TMEM182: variants seen among roughly 807,000 people sequenced by gnomAD.
TMEM182 encodes transmembrane protein 182.
A neutral mutation model predicts 26.8 loss-of-function variants in TMEM182; 20 were observed. The ratio of observed to expected loss-of-function variants is 0.75; its 90% CI spans 0.53 to 1.09. The LOEUF is 1.09. Ranked by LOEUF, TMEM182 falls within the 50% of genes least tolerant of loss-of-function variation. The pLI, the probability that TMEM182 is intolerant of heterozygous loss-of-function variation, is 0.00. For missense variants in TMEM182, 277 were observed against 275.5 expected (o/e 1.01, Z -0.04); for synonymous variants, 109 against 102.2 (o/e 1.07, Z -0.40).
At chr2:102,839,801 C>T (rs1683313988) in intron 3 of TMEM182, among the ~76,000 whole-genome samples, 1 of 152,152 alleles carries the variant, frequency 6.6e-6, no homozygotes, top group African/African-American at 2.4e-5. Flanking sequence ...TGCTATCACT[C>T]TCAGCGTGCG....
Position 102,762,615 on chromosome 2 carries a change from G to GT in TMEM182, c.161_162insT (p.Phe55ValfsTer8). 1 of 1,613,880 alleles carries GT rather than the reference G, an allele frequency of 6.2e-7. No individual in the cohort carries two copies. Among genetic ancestry groups the GT allele is most frequent in the Non-Finnish European group, 8.5e-7 (1 of 1,179,902 alleles). ...GAGAACGTCACTTTTCACCATGAAG[G>GT]GTTCTTCTGGAGGTGTTGGTTTAAT... is the stretch of plus-strand genomic sequence containing the variant. On this transcript the variant is annotated frameshift_variant, in exon 2 of 5. Coordinates refer to ENST00000412401, the MANE Select transcript of TMEM182 (RefSeq NM_144632.5). LOFTEE classifies it high-confidence loss of function.
At chr2:102,836,849 C>T (rs995866870) in intron 3 of TMEM182, among the ~76,000 whole-genome samples, 3 of 152,334 alleles carry the variant, frequency 2.0e-5, no homozygotes, top group South Asian at 4.1e-4. Context: ...TAATAGAAAG[C>T]GTTCAGTCCT....
At chr2:102,801,375 CA>C (rs1249059932) in intron 4 of TMEM182, among the ~76,000 whole-genome samples, 1 of 152,044 alleles carries the variant, frequency 6.6e-6, no homozygotes, top group Non-Finnish European at 1.5e-5. Flanking sequence ...ATACACACTT[CA>C]AAAAGGGGGT....
intron 3 of TMEM182, among the ~76,000 whole-genome samples, chr2:102,768,036 G>C (rs1680523064): frequency 6.6e-6 from 1 of 151,904 alleles, no homozygotes; most frequent in Non-Finnish European, 1.5e-5. Context: ...TCAAACTTCA[G>C]TTTCCCAAGG....
intron 3 of TMEM182, chr2:102,834,395 T>G: frequency 1.0e-6 from 1 of 985,336 alleles, no homozygotes. Context: ...CTTGGGATCC[T>G]CTGCTGTAAA....
chr2:102,757,104 C>A (rs1680064305), upstream of TMEM182, among the ~76,000 whole-genome samples: 1 of 152,138 alleles, frequency 6.6e-6, no homozygotes, highest in African/African-American at 2.4e-5. Flanking sequence ...GCCACCGGGC[C>A]TGGCCAAAAT....
intron 3 of TMEM182, among the ~76,000 whole-genome samples, chr2:102,797,587 A>T (rs1307907053): frequency 2.0e-5 from 3 of 152,156 alleles, no homozygotes; most frequent in Non-Finnish European, 2.9e-5. Context: ...GAAAATCGTG[A>T]TGGAAAAAAG....
downstream of TMEM182, among the ~76,000 whole-genome samples, chr2:102,820,078 T>C (rs1048501776): frequency 6.6e-6 from 1 of 152,212 alleles, no homozygotes; most frequent in Admixed American, 6.5e-5. Context: ...CATGTCTTAG[T>C]TGGTTTATTC....
chr2:102,773,226 G>T (rs937611699), intron 3 of TMEM182, among the ~76,000 whole-genome samples: 6 of 152,008 alleles, frequency 3.9e-5, no homozygotes, highest in African/African-American at 1.4e-4. Context: ...AAAAGTTCCT[G>T]CCCTCAGGGG....
chr2:102,737,727 A>G (rs1679399059), intron 1 of TMEM182, among the ~76,000 whole-genome samples: 1 of 152,226 alleles, frequency 6.6e-6, no homozygotes, highest in Non-Finnish European at 1.5e-5. Context: ...TGAGTGCATG[A>G]CACCAAAAGA....
At chr2:102,785,366 T>C (rs192643171) in intron 3 of TMEM182, among the ~76,000 whole-genome samples, 12 of 152,356 alleles carry the variant, frequency 7.9e-5, no homozygotes, top group Admixed American at 2.6e-4. Context: ...CCTTTCTCTA[T>C]TCTGGCATAA....
At chr2:102,813,915 TCCTC>T (rs1682647312) in intron 4 of TMEM182, among the ~76,000 whole-genome samples, 1 of 151,666 alleles carries the variant, frequency 6.6e-6, no homozygotes, top group Non-Finnish European at 1.5e-5. Flanking sequence ...CTTCCTTCCT[TCCTC>T]CCTTCCTCCC....
At position 102,774,750 on chromosome 2, in the gene TMEM182, A is replaced by G. The variant is rs192018036; in HGVS notation, c.331+10323A>G. On this transcript the variant is annotated intron_variant, in intron 3 of 4. Coordinates refer to ENST00000412401, the MANE Select transcript of TMEM182 (RefSeq NM_144632.5). ...TGAGTTGCTTTTGCATTTTTGTCAA[A>G]AAATAGTTGATCCTACTTGTATGGG... Among the ~76,000 whole-genome samples the G allele has an allele frequency of 4.5e-4, 69 of 152,272 alleles. No individual in the cohort carries two copies. In the East Asian group the frequency reaches 6.9e-3, roughly 15 times the overall value.
intron 3 of TMEM182, among the ~76,000 whole-genome samples, chr2:102,833,743 A>G (rs1558795152): frequency 6.6e-6 from 1 of 152,076 alleles, no homozygotes; most frequent in Non-Finnish European, 1.5e-5. Context: ...CTTGTCTTTC[A>G]TGGCCTTGAA....
At chr2:102,823,371 C>T (rs751675705) in intron 3 of TMEM182, among the ~76,000 whole-genome samples, 7 of 151,964 alleles carry the variant, frequency 4.6e-5, no homozygotes, top group African/African-American at 7.2e-5. Context: ...CTCAAACTGT[C>T]GCCTGGGCTG....
At chr2:102,825,360 G>A (rs1259086408) in intron 3 of TMEM182, among the ~76,000 whole-genome samples, 1 of 152,170 alleles carries the variant, frequency 6.6e-6, no homozygotes, top group African/African-American at 2.4e-5. Context: ...GTTCTAATAG[G>A]TAACAAGAAG....
chr2:102,788,312 G>A (rs1479589010), intron 3 of TMEM182, among the ~76,000 whole-genome samples: 5 of 152,168 alleles, frequency 3.3e-5, no homozygotes, highest in Non-Finnish European at 7.4e-5. Context: ...TGGTTCTGAT[G>A]TGTGGCAGCA....
intron 1 of TMEM182, among the ~76,000 whole-genome samples, chr2:102,738,296 A>G (rs991395279): frequency 1.3e-5 from 2 of 152,126 alleles, no homozygotes; most frequent in Non-Finnish European, 2.9e-5. Flanking sequence ...ATACACGCCA[A>G]AAGAATTGGA....
At chr2:102,801,482 G>T (rs1482774580) in intron 4 of TMEM182, among the ~76,000 whole-genome samples, 1 of 152,192 alleles carries the variant, frequency 6.6e-6, no homozygotes, top group African/African-American at 2.4e-5. Flanking sequence ...TGTAACTCAG[G>T]ATTACATATG....
Sources: allele counts gnomAD v4.1 joint callset (sites outside exome capture counted in the v4.1 genomes callset), GRCh38; gene constraint gnomAD v4.1.1; transcripts MANE v1.5; gene names NCBI Gene and HGNC (gene_info 2026-07-23, HGNC 2026-07-21).